The following WDR25 variants were observed in gnomAD, a reference collection of about 807,000 sequenced individuals.
WDR25 encodes WD repeat domain 25.
Under a neutral mutation model 47.7 loss-of-function variants are expected in WDR25, and 35 were observed. The observed-to-expected ratio is 0.73, with a 90% CI of 0.56 to 0.97. The LOEUF (loss-of-function observed/expected upper bound fraction) is 0.97, where lower values mean the gene tolerates loss of function less well. Ranked by LOEUF, WDR25 falls within the 50% of genes least tolerant of loss-of-function variation. WDR25 has a pLI of 0.00. For synonymous variants in WDR25, 248 were observed against 278.9 expected (o/e 0.89, Z 1.10); for missense variants, 634 against 704.7 (o/e 0.90, Z 1.14).
chr14:100,451,605 C>T (rs1447517680), intron 2 of WDR25, among the ~76,000 whole-genome samples: 1 of 152,202 alleles, frequency 6.6e-6, no homozygotes, highest in East Asian at 1.9e-4. Flanking sequence ...TGGAAAGGTG[C>T]TGACATTCAG....
intron 4 of WDR25, among the ~76,000 whole-genome samples, chr14:100,504,077 C>T (rs769328168): frequency 1.3e-5 from 2 of 152,230 alleles, no homozygotes; most frequent in Non-Finnish European, 2.9e-5. Flanking sequence ...CCAATAGTCT[C>T]CACCCTCCTC....
intron 2 of WDR25, among the ~76,000 whole-genome samples, chr14:100,411,955 T>C (rs961404140): frequency 2.0e-5 from 3 of 152,224 alleles, no homozygotes; most frequent in African/African-American, 7.2e-5. Context: ...CAGCTAGCAG[T>C]CTGCATGTTG....
intron 4 of WDR25, among the ~76,000 whole-genome samples, chr14:100,509,250 G>T (rs564218100): frequency 6.6e-6 from 1 of 152,182 alleles, no homozygotes; most frequent in African/African-American, 2.4e-5. Context: ...AATTAACTAT[G>T]TGTAACGTGG....
intron 2 of WDR25, among the ~76,000 whole-genome samples, chr14:100,445,023 G>T (rs1175252165): frequency 6.6e-6 from 1 of 152,156 alleles, no homozygotes; most frequent in Non-Finnish European, 1.5e-5. Context: ...ACAGAGTTAG[G>T]ATTCAGGGGT....
intron 2 of WDR25, among the ~76,000 whole-genome samples, chr14:100,461,973 A>T (rs769548340): frequency 2.6e-5 from 4 of 151,404 alleles, no homozygotes; most frequent in African/African-American, 4.9e-5. Context: ...GAAATCAGAG[A>T]AACAACAATC....
intron 2 of WDR25, among the ~76,000 whole-genome samples, chr14:100,448,193 C>CAA (rs111428141): frequency 0.019 from 2,043 of 109,768 alleles, 73 homozygotes; most frequent in African/African-American, 0.056. Context: ...AACTCCGTCT[C>CAA]AAAAAAAAAA....
At position 100,502,575 on chromosome 14, in the gene WDR25, A is replaced by G. The variant is rs1294267891; in HGVS notation, c.1101+18451A>G. 2.6e-5 allele frequency among the ~76,000 whole-genome samples: 4 copies of G among 152,218 alleles called. No individual in the cohort carries two copies. The highest frequency in any genetic ancestry group is 5.9e-5 in the Non-Finnish European group (4 of 68,036). On this transcript the variant is annotated intron_variant, in intron 4 of 6. Transcript: ENST00000402312. This position sits in a 1 kb window ranked among gnomAD's most constrained non-coding sequence, Gnocchi z 4.5. ...AGTGTCCTGGAGCTGCTCACTTTAG[A>G]GTTCTTCATTAGGGGTCCTATAGAC...
Position 100,506,062 on chromosome 14 carries a change from C to T in WDR25, c.1102-19808C>T, listed in dbSNP as rs746299082. On this transcript the variant is annotated intron_variant, in intron 4 of 6. Coordinates refer to ENST00000402312, the MANE Select transcript of WDR25 (RefSeq NM_001161476.3). The surrounding 1 kb of genome is among the most constrained non-coding windows in gnomAD (Gnocchi z 4.8). ...AACAGTTAGTTTTTCAACCCTTGCCCGCTCCCTCCCTCCACCCTCTAGACC... is the reference window on the plus strand; with the variant it reads ...AACAGTTAGTTTTTCAACCCTTGCCTGCTCCCTCCCTCCACCCTCTAGACC... Among the ~76,000 whole-genome samples, 32 of 152,096 alleles carry T rather than the reference C, an allele frequency of 2.1e-4. 1 individual carries two copies. Among genetic ancestry groups the T allele is most frequent in the East Asian group, 3.8e-4 (2 of 5,196 alleles).
At chr14:100,491,549 C>G (rs1900566397) in intron 4 of WDR25, among the ~76,000 whole-genome samples, 2 of 152,208 alleles carry the variant, frequency 1.3e-5, no homozygotes, top group Admixed American at 1.3e-4. Flanking sequence ...TAGGCTAGAC[C>G]TCTAGCTTAG....
chr14:100,459,176 G>A (rs2140279892), intron 2 of WDR25, among the ~76,000 whole-genome samples: 1 of 152,248 alleles, frequency 6.6e-6, no homozygotes, highest in East Asian at 1.9e-4. Flanking sequence ...ACTAATATTA[G>A]GAATGAGAGA....
intron 2 of WDR25, among the ~76,000 whole-genome samples, chr14:100,385,179 GA>G (rs1357086519): frequency 6.6e-6 from 1 of 152,166 alleles, no homozygotes; most frequent in Non-Finnish European, 1.5e-5. Context: ...TCCTGAGCCA[GA>G]ACCCATTTTT....
intron 2 of WDR25, among the ~76,000 whole-genome samples, chr14:100,399,567 T>G (rs994276879): frequency 6.6e-6 from 1 of 152,208 alleles, no homozygotes; most frequent in East Asian, 1.9e-4. Flanking sequence ...AATTCCCATC[T>G]TCTATGCCTT....
In WDR25 at chr14:100,425,661, A is replaced by G. The variant is rs73343601; in HGVS notation, c.823-42360A>G. ...GCTGACACAGGCTCAGCAGGCTGTTAATGAGGTCCTGACAAGCTTTCGTTT... is the reference window on the plus strand; with the variant it reads ...GCTGACACAGGCTCAGCAGGCTGTTGATGAGGTCCTGACAAGCTTTCGTTT... On this transcript the variant is annotated intron_variant, in intron 2 of 6. Coordinates refer to ENST00000402312, the MANE Select transcript of WDR25 (RefSeq NM_001161476.3). This position sits in a 1 kb window ranked among gnomAD's most constrained non-coding sequence, Gnocchi z 4.8. 4.8e-3 allele frequency among the ~76,000 whole-genome samples: 731 copies of G among 152,288 alleles called. 10 individuals carry two copies. The highest frequency in any genetic ancestry group is 0.017 in the African/African-American group (687 of 41,538).
intron 2 of WDR25, among the ~76,000 whole-genome samples, chr14:100,461,106 C>T (rs12431560): frequency 0.016 from 2,475 of 152,140 alleles, 71 homozygotes; most frequent in African/African-American, 0.055. Context: ...CCCAGCTCCT[C>T]GGAAGGCTGA....
chr14:100,530,087 TC>T lies in WDR25; in HGVS notation c.*50del. Reference sequence around the variant, plus strand: ...CCCGATGCCAGCTGGGCTCTTGGACTCCCCTCTTCCTCAAGGGTAGATGAGA... The same window carrying T: ...CCCGATGCCAGCTGGGCTCTTGGACTCCCTCTTCCTCAAGGGTAGATGAGA... On this transcript the variant is annotated 3_prime_UTR_variant, in exon 7 of 7. Transcript: ENST00000402312. 1 of 1,563,706 alleles carries T rather than the reference TC, an allele frequency of 6.4e-7. No homozygotes were observed.
At position 100,404,366 on chromosome 14, in the gene WDR25, T is replaced by C. The variant is rs1218210123; in HGVS notation, c.822+22620T>C. ...CAGATGTTTGGAACCTGGGTTCTCA[T>C]TTTCCTGTAGAATCAGTGTTATTCA... On this transcript the variant is annotated intron_variant, in intron 2 of 6. Coordinates refer to ENST00000402312, the MANE Select transcript of WDR25 (RefSeq NM_001161476.3). The surrounding 1 kb of genome is among the most constrained non-coding windows in gnomAD (Gnocchi z 4.6). Among the ~76,000 whole-genome samples, 1 of 152,258 alleles carries C rather than the reference T, an allele frequency of 6.6e-6. No individual in the cohort carries two copies. Among genetic ancestry groups the C allele is most frequent in the Non-Finnish European group, 1.5e-5 (1 of 68,042 alleles).
chr14:100,403,375 G>C (rs1897437630), intron 2 of WDR25, among the ~76,000 whole-genome samples: 1 of 152,228 alleles, frequency 6.6e-6, no homozygotes. Context: ...AATGTTGGGA[G>C]AGTGAATTGG....
intron 1 of WDR25, among the ~76,000 whole-genome samples, chr14:100,379,639 T>C (rs1896825213): frequency 6.6e-6 from 1 of 152,046 alleles, no homozygotes; most frequent in African/African-American, 2.4e-5. Flanking sequence ...CCACCAACCT[T>C]GGCCTCCCAA....
intron 2 of WDR25, 48 bp from the exon 3 acceptor site, chr14:100,467,973 G>A: frequency 6.2e-7 from 1 of 1,609,728 alleles, no homozygotes; most frequent in Non-Finnish European, 8.5e-7. Context: ...GAGCCCTGGA[G>A]ATCAGGCCCT....
Sources: allele counts gnomAD v4.1 joint callset (sites outside exome capture counted in the v4.1 genomes callset), GRCh38; gene constraint gnomAD v4.1.1; non-coding constraint Gnocchi (gnomAD v3.1); transcripts MANE v1.5; gene names NCBI Gene and HGNC (gene_info 2026-07-23, HGNC 2026-07-21).